The following RYR3 variants were observed in gnomAD, a reference collection of about 807,000 sequenced individuals.
RYR3 encodes brain ryanodine receptor-calcium release channel.
Under a neutral mutation model 584.3 loss-of-function variants are expected in RYR3, and 207 were observed. The observed-to-expected ratio is 0.35, with a 90% confidence interval of 0.32 to 0.40. The LOEUF is 0.40. Ranked by LOEUF, RYR3 falls within the 10% of genes least tolerant of loss-of-function variation. The probability of loss-of-function intolerance (pLI) is 1.00; values close to 1 mark genes in which losing one functional copy is unlikely to be tolerated. For synonymous variants in RYR3, 2,416 were observed against 2,248.5 expected, an observed-to-expected ratio of 1.07 and a Z score of -2.11; for missense variants, 5,616 against 6,089.2, an observed-to-expected ratio of 0.92 and a Z score of 2.59.
At chr15:33,729,536 G>A (rs1252655186) in intron 47 of RYR3, among the ~76,000 whole-genome samples, 5 of 152,138 alleles carry the variant, frequency 3.3e-5, no homozygotes, top group African/African-American at 1.2e-4. Context: ...CCACCAGGAT[G>A]GATAGGTCTG....
intron 38 of RYR3, among the ~76,000 whole-genome samples, chr15:33,689,705 T>C (rs1310879884): frequency 3.3e-5 from 5 of 152,220 alleles, no homozygotes; most frequent in African/African-American, 1.2e-4. Context: ...GGAGATCTTA[T>C]TGTTTCTCTT....
chr15:33,511,401 C>T (rs558172618), intron 3 of RYR3, among the ~76,000 whole-genome samples: 1 of 149,678 alleles, frequency 6.7e-6, no homozygotes, highest in African/African-American at 2.5e-5. Context: ...AAGCTTTCAG[C>T]AAAACCTGCA....
intron 1 of RYR3, among the ~76,000 whole-genome samples, chr15:33,460,997 T>C (rs1241007128): frequency 2.9e-5 from 4 of 136,698 alleles, no homozygotes; most frequent in Non-Finnish European, 4.6e-5. Flanking sequence ...CAGGCTGGAG[T>C]GCAGTGGCGT....
chr15:33,653,763 T>C (rs929792770), intron 32 of RYR3, among the ~76,000 whole-genome samples: 5 of 152,138 alleles, frequency 3.3e-5, no homozygotes, highest in Non-Finnish European at 4.4e-5. Context: ...CCACCTGTTA[T>C]ACACATGTAG....
chr15:33,373,203 A>T (rs2040473962), intron 1 of RYR3, among the ~76,000 whole-genome samples: 1 of 152,206 alleles, frequency 6.6e-6, no homozygotes, highest in Non-Finnish European at 1.5e-5. Context: ...TGACCAGGGA[A>T]TCCTAATTCA....
intron 1 of RYR3, among the ~76,000 whole-genome samples, chr15:33,352,486 G>A (rs1973414787): frequency 6.6e-6 from 1 of 152,090 alleles, no homozygotes; most frequent in Admixed American, 6.6e-5. Context: ...GCTGAGCCAA[G>A]CCCACCACAC....
At chr15:33,629,243 G>T (rs753831689) in intron 21 of RYR3, among the ~76,000 whole-genome samples, 1 of 152,192 alleles carries the variant, frequency 6.6e-6, no homozygotes, top group Non-Finnish European at 1.5e-5. Context: ...TTTGTTGAAA[G>T]AATGAATTAC....
At position 33,726,648 on chromosome 15, in the gene RYR3, G is replaced by A. The variant is rs2068485100; in HGVS notation, c.7033+142G>A. The A allele has an allele frequency of 3.5e-6, 3 of 865,062 alleles. No homozygotes were observed. The African/African-American group carries it at 5.2e-5, about 15-fold the overall frequency. 53.6% of individuals were successfully genotyped at this position (865,062 alleles called of 1,614,324 possible). On this transcript the variant is annotated intron_variant, in intron 46 of 103. Transcript: ENST00000634891. ...GGGCAAGTGTCTCACTCTTTTTCCT[G>A]TGATGAGTTTTCTCCTCTAGGCTCT...
At chr15:33,561,359 GTTTT>G (rs2057388928) in intron 10 of RYR3, among the ~76,000 whole-genome samples, 1 of 152,200 alleles carries the variant, frequency 6.6e-6, no homozygotes, top group African/African-American at 2.4e-5. Context: ...TCTGAGCAGG[GTTTT>G]GAAGGGTGAG....
At chr15:33,473,712 T>G (rs1183556146) in intron 2 of RYR3, among the ~76,000 whole-genome samples, 174 bp downstream of exon 2, 1 of 152,232 alleles carries the variant, frequency 6.6e-6, no homozygotes, top group Non-Finnish European at 1.5e-5. Context: ...CTAGGAATCG[T>G]TGATGTAGGA....
chr15:33,654,437 G>A (rs904733388), intron 32 of RYR3, among the ~76,000 whole-genome samples: 1 of 151,934 alleles, frequency 6.6e-6, no homozygotes, highest in African/African-American at 2.4e-5. Flanking sequence ...TTGAGTCCGG[G>A]GAGGTCAAGG....
At chr15:33,431,889 C>T (rs960309419) in intron 1 of RYR3, among the ~76,000 whole-genome samples, 5 of 152,120 alleles carry the variant, frequency 3.3e-5, no homozygotes, top group Non-Finnish European at 7.3e-5. Context: ...GTCTCTTTTA[C>T]GGTGAGACTG....
chr15:33,398,589 C>T lies in RYR3; in HGVS notation c.52-74830C>T, dbSNP rs755824783. On this transcript the variant is annotated intron_variant, in intron 1 of 103. Transcript: ENST00000634891. ...GTGTGTAAAACAAGAAATTTCTCCA[C>T]GCATGGGATTTCAGGGAGTTTTGTT... Among the ~76,000 whole-genome samples, 3 of 152,338 alleles carry T rather than the reference C, an allele frequency of 2.0e-5. No individual in the cohort carries two copies. In the East Asian group the frequency reaches 5.8e-4, roughly 29 times the overall value.
chr15:33,746,342 C>T (rs954291520), intron 53 of RYR3, among the ~76,000 whole-genome samples, 185 bp downstream of exon 53: 2 of 152,242 alleles, frequency 1.3e-5, no homozygotes, highest in Admixed American at 6.5e-5. Context: ...AGAGCCCAGC[C>T]TCACTTTCTG....
At chr15:33,329,553 G>A (rs1453254943) in intron 1 of RYR3, among the ~76,000 whole-genome samples, 1 of 152,162 alleles carries the variant, frequency 6.6e-6, no homozygotes. Flanking sequence ...TCGTTTCAGT[G>A]TGTAGAGCGA....
At chr15:33,860,383 A>G (rs939392577) in intron 100 of RYR3, among the ~76,000 whole-genome samples, 4 of 152,246 alleles carry the variant, frequency 2.6e-5, no homozygotes, top group Non-Finnish European at 5.9e-5. Flanking sequence ...AGTAGTTAAC[A>G]GCACTGCATG....
intron 94 of RYR3, chr15:33,849,840 C>G (rs1195776544): frequency 1.3e-5 from 2 of 152,168 alleles, no homozygotes; most frequent in African/African-American, 4.8e-5. Flanking sequence ...AAAAGGAAGC[C>G]TCTTCCCTTA....
rs189552891 is a variant in RYR3 at position 33,805,639 on chromosome 15, G to T, written c.10012-1916G>T. On this transcript the variant is annotated intron_variant, in intron 69 of 103. Transcript: ENST00000634891. ...ACTACAGGTGCCCGCCACCACGCCCGGCTAATTTTTTGTATTTTTAGTAGA... is the reference window on the plus strand; with the variant it reads ...ACTACAGGTGCCCGCCACCACGCCCTGCTAATTTTTTGTATTTTTAGTAGA... 3.6e-3 allele frequency among the ~76,000 whole-genome samples: 546 copies of T among 151,722 alleles called. 4 individuals carry two copies. Among genetic ancestry groups the T allele is most frequent in the Non-Finnish European group, 5.7e-3 (390 of 67,884 alleles).
chr15:33,794,316 T>A (rs1227839854), intron 67 of RYR3, among the ~76,000 whole-genome samples: 13 of 110,154 alleles, frequency 1.2e-4, no homozygotes, highest in Admixed American at 2.0e-4. Context: ...TTTTTATATA[T>A]ATATATTTTT....
Sources: allele counts gnomAD v4.1 joint callset (sites outside exome capture counted in the v4.1 genomes callset), GRCh38; gene constraint gnomAD v4.1.1; transcripts MANE v1.5; gene names NCBI Gene and HGNC (gene_info 2026-07-23, HGNC 2026-07-21).